KIAA1549: variants seen among roughly 807,000 people sequenced by gnomAD.
KIAA1549 encodes UPF0606 protein KIAA1549.
A neutral mutation model predicts 156.4 loss-of-function variants in KIAA1549; 70 were observed. That is an observed-to-expected ratio of 0.45 (90% CI 0.37 to 0.55). KIAA1549 has a LOEUF of 0.55. Among genes scored for constraint, KIAA1549 ranks in the 20% least tolerant of loss-of-function variants. KIAA1549 has a pLI of 0.00. For missense variants in KIAA1549, 2,428 were observed against 2,540.9 expected, an observed-to-expected ratio of 0.96 and a Z score of 0.96; for synonymous variants, 1,103 against 1,066.4, an observed-to-expected ratio of 1.03 and a Z score of -0.67.
chr7:138,844,250 TA>T, intron 18 of KIAA1549, 66 bp downstream of exon 18: 1 of 1,586,544 alleles, frequency 6.3e-7, no homozygotes, highest in Non-Finnish European at 8.6e-7. Context: ...CTGAGACACC[TA>T]AAATAAAGTT....
Position 138,919,372 on chromosome 7 carries a change from G to C in KIAA1549, c.254C>G (p.Thr85Ser). The C allele has an allele frequency of 6.2e-7, 1 of 1,614,020 alleles. No individual in the cohort carries two copies. Reference sequence around the variant, plus strand: ...GGCCACTTGTGCAGCGCTGTGCCCAGTGCTTTTCTTCAGCACGAGCTCCAT... The same window carrying C: ...GGCCACTTGTGCAGCGCTGTGCCCACTGCTTTTCTTCAGCACGAGCTCCAT... ...YSMELVLKKS[T>S]GHSAAQVALT... The change falls in exon 2 of 20, where the codon ACT (threonine) becomes AGT (serine). Residue 85 changes from threonine to serine, a missense_variant. Physicochemically the swap from Thr to Ser is moderately conservative, Grantham distance 58 (BLOSUM62 1). Coordinates refer to ENST00000422774, the MANE Select transcript of KIAA1549 (RefSeq NM_001164665.2).
intron 1 of KIAA1549, among the ~76,000 whole-genome samples, chr7:138,926,509 T>A (rs542380132): frequency 6.6e-6 from 1 of 152,052 alleles, no homozygotes; most frequent in African/African-American, 2.4e-5. Flanking sequence ...GGCCTCAAAC[T>A]CCCGACCTCA....
At position 138,916,028 on chromosome 7, in the gene KIAA1549, G is replaced by A. The variant is rs1251485936; in HGVS notation, c.2878+720C>T. On this transcript the variant is annotated intron_variant, in intron 2 of 19. Coordinates refer to ENST00000422774, the MANE Select transcript of KIAA1549 (RefSeq NM_001164665.2). ...TAGCAACCCAGGCTGTGGTGGGGAGGAGACCAAAGGCTGATACTGGATTCA... is the reference window on the plus strand; with the variant it reads ...TAGCAACCCAGGCTGTGGTGGGGAGAAGACCAAAGGCTGATACTGGATTCA... Among the ~76,000 whole-genome samples the A allele has an allele frequency of 2.6e-5, 4 of 152,236 alleles. No homozygotes were observed. In the East Asian group the frequency reaches 7.7e-4, roughly 29 times the overall value.
At chr7:138,890,891 C>G (rs1313465418) in intron 10 of KIAA1549, among the ~76,000 whole-genome samples, 4 of 152,246 alleles carry the variant, frequency 2.6e-5, no homozygotes, top group African/African-American at 9.6e-5. Context: ...CCCCCAGGGC[C>G]TGGCTCTCTG....
intron 1 of KIAA1549, among the ~76,000 whole-genome samples, chr7:138,943,303 G>C (rs1331693349): frequency 6.6e-6 from 1 of 152,194 alleles, no homozygotes; most frequent in Non-Finnish European, 1.5e-5. Context: ...GGTCTGGTTT[G>C]CCCAAATCCC....
Position 138,964,117 on chromosome 7 carries a change from G to T in KIAA1549, c.187+16966C>A, listed in dbSNP as rs959881228. On this transcript the variant is annotated intron_variant, in intron 1 of 19. Transcript: ENST00000422774. ...GCTTCATTCATTTCTCTTAACCTAC[G>T]TTTGGTGAGCATCTTCTATGGGCTA... Among the ~76,000 whole-genome samples the T allele has an allele frequency of 9.3e-4, 142 of 152,272 alleles. 1 individual carries two copies. Among genetic ancestry groups the T allele is most frequent in the African/African-American group, 3.4e-3 (141 of 41,548 alleles).
rs557742891 is a variant in KIAA1549 at position 138,836,447 on chromosome 7, T to C, written c.*1459A>G. 2 of 214,376 alleles carry C rather than the reference T, an allele frequency of 9.3e-6. No individual in the cohort carries two copies. Among genetic ancestry groups the C allele is most frequent in the Non-Finnish European group, 1.9e-5 (2 of 106,168 alleles). 13.3% of individuals were successfully genotyped at this position (214,376 alleles called of 1,614,324 possible). A position where few individuals can be genotyped will look rare whatever the true frequency, so the allele number is the denominator to read the frequency against. On this transcript the variant is annotated 3_prime_UTR_variant, in exon 20 of 20. Transcript: ENST00000422774. ...TTGGCACAGCAACAAAACAGCCTAA[T>C]GACACATTTCTCAGAATGCATCCCC...
chr7:138,844,987 C>T (rs904132002), intron 17 of KIAA1549, among the ~76,000 whole-genome samples: 1 of 152,054 alleles, frequency 6.6e-6, no homozygotes, highest in Non-Finnish European at 1.5e-5. Flanking sequence ...ACAGACGATC[C>T]TGCTGTCCAT....
intron 3 of KIAA1549, 114 bp from the exon 4 acceptor site, chr7:138,911,437 A>G (rs1201211815): frequency 2.7e-6 from 2 of 735,262 alleles, no homozygotes; most frequent in Non-Finnish European, 4.4e-6. Context: ...GGGGTAGTGC[A>G]TCACGGATAA....
intron 15 of KIAA1549, among the ~76,000 whole-genome samples, chr7:138,862,545 T>C (rs1422513683): frequency 6.7e-6 from 1 of 149,914 alleles, no homozygotes; most frequent in African/African-American, 2.5e-5. Context: ...AGCCTACGTA[T>C]GTGTGCAAGC....
At chr7:138,859,052 C>CACAT (rs3221318) in intron 16 of KIAA1549, among the ~76,000 whole-genome samples, 1 of 144,036 alleles carries the variant, frequency 6.9e-6, no homozygotes, top group Non-Finnish European at 1.5e-5. Flanking sequence ...CACACACACA[C>CACAT]GAACAGAAAC....
At position 138,894,375 on chromosome 7, in the gene KIAA1549, A is replaced by C. The variant is rs781761583; in HGVS notation, c.3999T>G (p.Pro1333=). The C allele has an allele frequency of 9.9e-6, 16 of 1,614,028 alleles. No individual in the cohort carries two copies. Among genetic ancestry groups the C allele is most frequent in the African/African-American group, 1.3e-5 (1 of 75,054 alleles). The change falls in exon 10 of 20, where the codon CCT becomes CCG. Residue 1333 remains proline, a synonymous_variant. Transcript: ENST00000422774. ...GCTGCTGAATGTTGGCCACAGTGTC[A>C]GGCTGAAAGTCTAGCTTGTCTGTGC... ...LCRTDKLDFQ[P]DTVANIQQRQ...
In KIAA1549 at chr7:138,868,091, G is replaced by A. The variant is rs1810804322; in HGVS notation, c.4813C>T (p.His1605Tyr). 1.2e-6 allele frequency: 2 copies of A among 1,613,858 alleles called. No homozygotes were observed. Among genetic ancestry groups the A allele is most frequent in the Middle Eastern group, 1.7e-4 (1 of 6,060 alleles). The change falls in exon 15 of 20, where the codon CAC becomes TAC. Residue 1605 changes from histidine to tyrosine, a missense_variant. This residue lies in a region of KIAA1549 where 404 missense variants were observed against 417.0 expected (regional missense o/e 0.97). Coordinates refer to ENST00000422774, the MANE Select transcript of KIAA1549 (RefSeq NM_001164665.2). ...IKRSPKPRRK[H>Y]QVNGCPADAE... ...TCGGCAGGACAGCCGTTGACCTGGTGTTTCCGGCGAGGCTTGGGAGAACGT... is the reference window on the plus strand; with the variant it reads ...TCGGCAGGACAGCCGTTGACCTGGTATTTCCGGCGAGGCTTGGGAGAACGT...
At chr7:138,912,285 T>C (rs1050584978) in intron 3 of KIAA1549, 87 bp downstream of exon 3, 1 of 898,814 alleles carries the variant, frequency 1.1e-6, no homozygotes, top group Non-Finnish European at 1.9e-6. Context: ...AATGATTCCA[T>C]GGCCATAATC....
intron 1 of KIAA1549, among the ~76,000 whole-genome samples, chr7:138,958,647 T>C (rs1489732253): frequency 2.6e-5 from 4 of 152,162 alleles, no homozygotes; most frequent in African/African-American, 4.8e-5. Flanking sequence ...CCCCCTCGTT[T>C]AGCTTATTAC....
chr7:138,921,488 G>A (rs1267449296), intron 1 of KIAA1549, among the ~76,000 whole-genome samples: 1 of 152,170 alleles, frequency 6.6e-6, no homozygotes, highest in Admixed American at 6.5e-5. Context: ...TCGGAAACAG[G>A]GTCAGTGTAG....
At chr7:138,937,184 C>T (rs1813040369) in intron 1 of KIAA1549, among the ~76,000 whole-genome samples, 1 of 139,776 alleles carries the variant, frequency 7.2e-6, no homozygotes. Flanking sequence ...GACCACCATG[C>T]CCCTCCTCCT....
intron 9 of KIAA1549, 144 bp downstream of exon 9, chr7:138,898,811 G>T: frequency 1.4e-6 from 1 of 707,790 alleles, no homozygotes; most frequent in Non-Finnish European, 2.4e-6. Context: ...GAAGGTCTTG[G>T]TGAATGAATT....
At chr7:138,962,965 A>G (rs1813898243) in intron 1 of KIAA1549, among the ~76,000 whole-genome samples, 1 of 152,204 alleles carries the variant, frequency 6.6e-6, no homozygotes, top group African/African-American at 2.4e-5. Context: ...CCTCTACAAT[A>G]GCACTTCACA....
Sources: gnomAD v4.1 joint callset for allele counts (sites outside exome capture counted in the v4.1 genomes callset) on GRCh38, gnomAD v4.1.1 for gene constraint, gnomAD v4.1.1 regional missense constraint, MANE v1.5 for transcripts, NCBI Gene and HGNC (gene_info 2026-07-23, HGNC 2026-07-21) for gene names.